TTC3: variants seen among roughly 807,000 people sequenced by gnomAD.
The protein encoded by TTC3 is E3 ubiquitin-protein ligase TTC3.
A neutral mutation model predicts 249.6 loss-of-function variants in TTC3; 180 were observed. The observed-to-expected ratio is 0.72, with a 90% CI of 0.64 to 0.82. TTC3 has a LOEUF of 0.82. Among genes scored for constraint, TTC3 ranks in the 40% least tolerant of loss-of-function variants. TTC3 has a pLI of 0.00. For synonymous variants in TTC3, 717 were observed against 805.0 expected, an observed-to-expected ratio of 0.89 and a Z score of 1.85; for missense variants, 2,061 against 2,398.4, an observed-to-expected ratio of 0.86 and a Z score of 2.94.
At chr21:37,122,421 TATATATATATATATA>T (rs2076670540) in intron 12 of TTC3, among the ~76,000 whole-genome samples, 1 of 36,562 alleles carries the variant, frequency 2.7e-5, no homozygotes, top group Non-Finnish European at 6.4e-5. Context: ...ATATATATAA[TATATATATATATATA>T]TTATATATAT....
rs1472975848 is a variant in TTC3, at chr21:37,192,027, G to GT, written c.5116-83dup. 4.8e-6 allele frequency: 4 copies of GT among 840,594 alleles called. No individual in the cohort carries two copies. The African/African-American group carries it at 6.9e-5, about 14-fold the overall frequency. 52.1% of individuals were successfully genotyped at this position (840,594 alleles called of 1,614,324 possible). On this transcript the variant is annotated intron_variant, in intron 40 of 45. Transcript: ENST00000355666. ...TATTTTGAATTTCCTTACCAAGACA[G>GT]TTATGTTTCATTTATAATGTGTAGG...
intron 36 of TTC3, among the ~76,000 whole-genome samples, chr21:37,183,191 A>ACCAT: frequency 6.6e-6 from 1 of 152,238 alleles, no homozygotes; most frequent in East Asian, 1.9e-4. Context: ...CAGTTTGAAC[A>ACCAT]CCATCCCTTT....
chr21:37,077,347 C>G (rs1023225597), intron 1 of TTC3, among the ~76,000 whole-genome samples: 1 of 151,782 alleles, frequency 6.6e-6, no homozygotes, highest in Non-Finnish European at 1.5e-5. Flanking sequence ...TGAAATACCA[C>G]CATGTTAATT....
At chr21:37,145,380 A>G (rs556120440) in intron 21 of TTC3, among the ~76,000 whole-genome samples, 1 of 152,254 alleles carries the variant, frequency 6.6e-6, no homozygotes, top group Admixed American at 6.5e-5. Flanking sequence ...AAATTAGCAC[A>G]TGAAAAGACA....
rs141582662 is a variant in TTC3 at position 37,179,485 on chromosome 21, C to G, written c.4618-3289C>G. 2.4e-3 allele frequency among the ~76,000 whole-genome samples: 361 copies of G among 152,262 alleles called. 2 individuals carry two copies. Among genetic ancestry groups the G allele is most frequent in the African/African-American group, 8.0e-3 (333 of 41,560 alleles). On this transcript the variant is annotated intron_variant, in intron 35 of 45. Coordinates refer to ENST00000355666, the Ensembl canonical transcript of TTC3. The stretch of plus-strand genomic sequence containing the variant: ...ACTTTGAGTACACTAAGTCCAATTT[C>G]TCTTATTCTTTTGTTACTTGTGCCT...
At chr21:37,096,150 C>G (rs75059485) in intron 9 of TTC3, among the ~76,000 whole-genome samples, 8,775 of 152,272 alleles carry the variant, frequency 0.058, 629 homozygotes, top group African/African-American at 0.15. Context: ...TCAGATAAAA[C>G]TAAAAAACAA....
intron 16 of TTC3, among the ~76,000 whole-genome samples, chr21:37,131,679 C>T (rs745846890): frequency 6.6e-6 from 1 of 152,116 alleles, no homozygotes; most frequent in African/African-American, 2.4e-5. Flanking sequence ...GAAGTGAGGG[C>T]AGTCTGGTGG....
Position 37,152,939 on chromosome 21 carries a change from A to T in TTC3, c.2414-12A>T, listed in dbSNP as rs1423523239. On this transcript the variant is annotated splice_polypyrimidine_tract_variant and intron_variant, in intron 26 of 45. Coordinates refer to ENST00000355666, the Ensembl canonical transcript of TTC3. ...CCTATTTATCACTTTAACCATTGTT[A>T]TTTATCCTTAGAAACTGTAGACAAT... 5 of 1,559,538 alleles carry T rather than the reference A, an allele frequency of 3.2e-6. No individual in the cohort carries two copies. The highest frequency in any genetic ancestry group is 4.3e-6 in the Non-Finnish European group (5 of 1,154,640).
intron 36 of TTC3, among the ~76,000 whole-genome samples, chr21:37,183,265 C>G (rs1395994182): frequency 6.6e-6 from 1 of 152,076 alleles, no homozygotes; most frequent in Admixed American, 6.5e-5. Context: ...AGGTTCTTTT[C>G]AAAAGTAAGA....
At chr21:37,192,170 C>T (rs1216233238) in exon 41 of TTC3, 3 of 1,610,206 alleles carry the variant, frequency 1.9e-6, no homozygotes, top group Admixed American at 3.4e-5. Context: ...AGTGAACTTT[C>T]TAAAGTGCAG....
At chr21:37,191,131 T>G (rs1013853704) in intron 39 of TTC3, among the ~76,000 whole-genome samples, 4 of 152,160 alleles carry the variant, frequency 2.6e-5, no homozygotes, top group African/African-American at 9.6e-5. Flanking sequence ...GTTTTAGAGT[T>G]TTTGTTATAT....
rs1380965866 is a variant in TTC3, at chr21:37,197,975, C to G, written c.5800C>G (p.Pro1934Ala). Residue 1934 changes from proline (P) to alanine (A), a missense_variant, in exon 44 of 46, where the codon CCA becomes GCA. Physicochemically the swap from Pro to Ala is conservative, Grantham distance 27. Coordinates refer to ENST00000355666, the Ensembl canonical transcript of TTC3. ...GGGCTCACCCTCGGTGGTTGTTGCA[C>G]CATCACCCAAAACCAAGGGGCAGAA... The G allele has an allele frequency of 1.2e-6, 2 of 1,613,764 alleles. No homozygotes were observed. The highest frequency in any genetic ancestry group is 2.7e-5 in the African/African-American group (2 of 74,850).
chr21:37,152,683 G>T (rs578244083), intron 26 of TTC3, among the ~76,000 whole-genome samples: 1 of 152,180 alleles, frequency 6.6e-6, no homozygotes, highest in South Asian at 2.1e-4. Context: ...TGGCCTAGAG[G>T]AACTAAGTTT....
intron 13 of TTC3, among the ~76,000 whole-genome samples, chr21:37,123,992 G>T (rs574363278): frequency 6.6e-6 from 1 of 151,554 alleles, no homozygotes; most frequent in East Asian, 1.9e-4. Flanking sequence ...CAAGTGATCC[G>T]CTCGCCTTGG....
intron 31 of TTC3, among the ~76,000 whole-genome samples, chr21:37,162,815 G>A (rs2080886987): frequency 0.013 from 1 of 78 alleles, no homozygotes; most frequent in South Asian, 0.17. Flanking sequence ...TGGAGGCTGG[G>A]AAGTCCCAAG....
At chr21:37,100,483 G>A (rs2074369915) in intron 10 of TTC3, among the ~76,000 whole-genome samples, 1 of 150,566 alleles carries the variant, frequency 6.6e-6, no homozygotes, top group Non-Finnish European at 1.5e-5. Context: ...GAAGCCTGAG[G>A]TGAGGTATAT....
intron 14 of TTC3, among the ~76,000 whole-genome samples, chr21:37,125,878 GT>G (rs67628252): frequency 1 from 152,247 of 152,248 alleles, 76,123 homozygotes; most frequent in Non-Finnish European, 1. Flanking sequence ...TCAAGAATTT[GT>G]TCGTTGCCAT....
At chr21:37,186,997 T>C in intron 37 of TTC3, 52 bp from the exon 38 acceptor site, 1 of 1,161,256 alleles carries the variant, frequency 8.6e-7, no homozygotes, top group Non-Finnish European at 1.2e-6. Context: ...CTTTGTCATC[T>C]CACTGTGAAA....
chr21:37,110,205 G>A lies in TTC3; in HGVS notation c.900+1759G>A, dbSNP rs375392515. ...CACCAGCAATGGAACAAAGCTGGAC[G>A]GAGAATGACTTTGACGAGTTGAGAG... On this transcript the variant is annotated intron_variant, in intron 11 of 45. Transcript: ENST00000355666. Among the ~76,000 whole-genome samples the A allele has an allele frequency of 1.2e-3, 187 of 152,378 alleles. 4 individuals carry two copies. In the South Asian group the frequency reaches 0.037, roughly 30 times the overall value.
Sources: gnomAD v4.1 joint callset for allele counts (sites outside exome capture counted in the v4.1 genomes callset) on GRCh38, gnomAD v4.1.1 for gene constraint, MANE v1.5 for transcripts, NCBI Gene and HGNC (gene_info 2026-07-23, HGNC 2026-07-21) for gene names.